Variants in TMEM44 observed in about 807,000 individuals in gnomAD.
TMEM44 encodes the protein transmembrane protein 44.
Under a neutral mutation model 47.8 loss-of-function variants are expected in TMEM44, and 43 were observed. The observed-to-expected ratio is 0.90, with a 90% confidence interval of 0.70 to 1.16. The LOEUF (loss-of-function observed/expected upper bound fraction) is 1.16, where lower values mean the gene tolerates loss of function less well. Ranked by LOEUF, TMEM44 falls within the 50% of genes most tolerant of loss-of-function variation. The pLI, the probability that TMEM44 is intolerant of heterozygous loss-of-function variation, is 0.00. For synonymous variants in TMEM44, 277 were observed against 238.8 expected (o/e 1.16, Z -1.48); for missense variants, 568 against 555.2 (o/e 1.02, Z -0.23).
chr3:194,621,168 A>G (rs928013484), intron 5 of TMEM44, among the ~76,000 whole-genome samples: 2 of 152,086 alleles, frequency 1.3e-5, no homozygotes, highest in Admixed American at 1.3e-4. Context: ...TATAAAAAGG[A>G]GCAAGTCGGA....
chr3:194,609,657 A>C (rs548258688), intron 8 of TMEM44, among the ~76,000 whole-genome samples: 2 of 151,648 alleles, frequency 1.3e-5, no homozygotes, highest in African/African-American at 4.9e-5. Context: ...GAACTCAGGG[A>C]GTCACCCGGA....
At chr3:194,625,822 G>A in intron 3 of TMEM44, 75 bp downstream of exon 3, 1 of 1,339,744 alleles carries the variant, frequency 7.5e-7, no homozygotes, top group Admixed American at 1.7e-5. Context: ...CTCTGGGAGT[G>A]ATAAGGAGTA....
rs1715287061 is a variant in TMEM44, at chr3:194,611,152, C to T, written c.913-132G>A. On this transcript the variant is annotated intron_variant, in intron 7 of 9. Transcript: ENST00000347147. This position sits in a 1 kb window ranked among gnomAD's most constrained non-coding sequence, Gnocchi z 4.2. ...CTCTCTCTTTTTTAACGGCACGTCT[C>T]ACTTTCTGCTTCCTATAAGATGTGT... 3 of 699,742 alleles carry T rather than the reference C, an allele frequency of 4.3e-6. No homozygotes were observed. Among genetic ancestry groups the T allele is most frequent in the Admixed American group, 2.2e-5 (1 of 44,838 alleles). The allele number at this position is 699,742 out of a possible 1,614,324, so 43.3% of individuals were successfully genotyped here.
intron 1 of TMEM44, among the ~76,000 whole-genome samples, chr3:194,631,185 C>T (rs755932522): frequency 5.9e-5 from 9 of 151,358 alleles, no homozygotes; most frequent in African/African-American, 9.7e-5. Flanking sequence ...CTCAGCGTCA[C>T]TGATAGGGCC....
At chr3:194,619,590 A>G (rs1334547700) in intron 5 of TMEM44, among the ~76,000 whole-genome samples, 1 of 152,184 alleles carries the variant, frequency 6.6e-6, no homozygotes, top group Non-Finnish European at 1.5e-5. Context: ...AGCAATGGGA[A>G]CTTTCCCACC....
rs564845602 is a variant in TMEM44, at chr3:194,629,138, T to C, written c.138-629A>G. 6.3e-4 allele frequency among the ~76,000 whole-genome samples: 94 copies of C among 149,678 alleles called. 1 individual carries two copies. The South Asian group carries it at 0.017, about 27-fold the overall frequency. ...AAGATCACACCATTGCACTCCAGCC[T>C]GGGTGACAAAGCGAGACTCCGTCTC... On this transcript the variant is annotated intron_variant, in intron 1 of 9. Coordinates refer to ENST00000347147, the MANE Select transcript of TMEM44 (RefSeq NM_001011655.3).
intron 9 of TMEM44, among the ~76,000 whole-genome samples, chr3:194,597,696 C>T (rs1331873464): frequency 1.5e-4 from 23 of 151,568 alleles, no homozygotes; most frequent in Admixed American, 1.5e-3. Context: ...ATTCAACCTA[C>T]AGGAGCAGTG....
rs1215129293 is a variant in TMEM44 at position 194,633,067 on chromosome 3, T to C, written c.137+12A>G. 50 of 1,295,320 alleles carry C rather than the reference T, an allele frequency of 3.9e-5. No homozygotes were observed. The highest frequency in any genetic ancestry group is 4.9e-5 in the Non-Finnish European group (47 of 968,802). 80.2% of individuals were successfully genotyped at this position (1,295,320 alleles called of 1,614,324 possible). On this transcript the variant is annotated intron_variant, in intron 1 of 9. Coordinates refer to ENST00000347147, the MANE Select transcript of TMEM44 (RefSeq NM_001011655.3). ...CCCCGCCCGACAGCCCCCCGACCCG[T>C]GGCCCCATTACAGCGCGTGGGCGGC... is the stretch of plus-strand genomic sequence containing the variant.
At position 194,633,221 on chromosome 3, in the gene TMEM44, G is replaced by T; in HGVS notation, c.-6C>A. ...GGGCTGGGCGCCTCCCCCATGGCGCGGCTGGGCGCGCGGCGCGGGGCCGGG... is the reference window on the plus strand; with the variant it reads ...GGGCTGGGCGCCTCCCCCATGGCGCTGCTGGGCGCGCGGCGCGGGGCCGGG... On this transcript the variant is annotated 5_prime_UTR_variant, in exon 1 of 10. Coordinates refer to ENST00000347147, the MANE Select transcript of TMEM44 (RefSeq NM_001011655.3). The T allele has an allele frequency of 1.4e-6, 2 of 1,392,636 alleles. No individual in the cohort carries two copies. Among genetic ancestry groups the T allele is most frequent in the East Asian group, 3.1e-5 (1 of 31,868 alleles). The allele number at this position is 1,392,636 out of a possible 1,614,324, so 86.3% of individuals were successfully genotyped here. A position where few individuals can be genotyped will look rare whatever the true frequency, so the allele number is the denominator to read the frequency against.
chr3:194,616,241 C>T (rs1354790441), intron 6 of TMEM44, among the ~76,000 whole-genome samples: 3 of 151,940 alleles, frequency 2.0e-5, no homozygotes, highest in Non-Finnish European at 4.4e-5. Context: ...TAGTAGAGAC[C>T]GGGTTTCACC....
At position 194,604,271 on chromosome 3, in the gene TMEM44, G is replaced by T. The variant is rs1216008880; in HGVS notation, c.1176+16C>A. 1 of 1,573,134 alleles carries T rather than the reference G, an allele frequency of 6.4e-7. No individual in the cohort carries two copies. Among genetic ancestry groups the T allele is most frequent in the South Asian group, 1.2e-5 (1 of 85,486 alleles). ...ATGGCACCCACGCACCCGCCCAGCA[G>T]GCAACAGCCGTGTACCTCCAGGTCG... On this transcript the variant is annotated intron_variant, in intron 9 of 9. Transcript: ENST00000347147.
Position 194,587,865 on chromosome 3 carries a change from C to T in TMEM44, c.*664G>A, listed in dbSNP as rs1712041376. ...AGTTAGTTCCTGAAGCATACAGCCC[C>T]CTCACCTGCAAGCCCCGCCTCAGCG... is the stretch of plus-strand genomic sequence containing the variant. On this transcript the variant is annotated 3_prime_UTR_variant, in exon 10 of 10. Transcript: ENST00000347147. The T allele has an allele frequency of 6.6e-6, 1 of 152,462 alleles. No individual in the cohort carries two copies. The highest frequency in any genetic ancestry group is 1.5e-5 in the Non-Finnish European group (1 of 68,232). 9.4% of individuals were successfully genotyped at this position (152,462 alleles called of 1,614,324 possible).
chr3:194,609,545 G>A (rs982340787), intron 8 of TMEM44, among the ~76,000 whole-genome samples: 1 of 152,104 alleles, frequency 6.6e-6, no homozygotes, highest in Admixed American at 6.5e-5. Context: ...GGTCATCGGT[G>A]ACCTCGACAA....
At chr3:194,613,781 T>C (rs1715587756) in intron 7 of TMEM44, among the ~76,000 whole-genome samples, 1 of 147,932 alleles carries the variant, frequency 6.8e-6, no homozygotes, top group Admixed American at 6.7e-5. Context: ...CGTGAGCCAC[T>C]GCACATGACC....
At chr3:194,590,231 G>T (rs1345099783) in intron 9 of TMEM44, 1 of 152,214 alleles carries the variant, frequency 6.6e-6, no homozygotes, top group East Asian at 1.9e-4. Context: ...CAGAAATAAA[G>T]AGCCCAGTTT....
intron 6 of TMEM44, among the ~76,000 whole-genome samples, chr3:194,616,202 C>A (rs1715870505): frequency 6.6e-6 from 1 of 152,098 alleles, no homozygotes; most frequent in African/African-American, 2.4e-5. Flanking sequence ...CGGGCACCTG[C>A]CATCATGCTC....
rs1488195308 is a variant in TMEM44 at position 194,613,514 on chromosome 3, C to T, written c.912+2055G>A. ...TTAAAAAAAAAGTTTTTTTTCGAGA[C>T]GGAGTTTTGCTCTTGTTGCCTAGGC... On this transcript the variant is annotated intron_variant, in intron 7 of 9. Transcript: ENST00000347147. 5.3e-5 allele frequency among the ~76,000 whole-genome samples: 8 copies of T among 149,594 alleles called. No homozygotes were observed. The East Asian group carries it at 1.0e-3, about 19-fold the overall frequency.
At chr3:194,618,139 A>T (rs1716143269) in intron 5 of TMEM44, among the ~76,000 whole-genome samples, 1 of 152,174 alleles carries the variant, frequency 6.6e-6, no homozygotes, top group African/African-American at 2.4e-5. Context: ...GGATCAGAAG[A>T]GCTGAGGCCC....
In TMEM44 at chr3:194,633,119, AC is replaced by A; in HGVS notation, c.96del (p.Trp33GlyfsTer18). ...ARHRVCISFGLWICASSCWIA... is the reference protein window; with the variant it reads ...ARHRVCISFGXWICASSCWIA... ...ATCCAGCAGGAGGAGGCGCAGATCC[AC>A]AGGCCGAAGGAGATGCAGACGCGGT... On this transcript the variant is annotated frameshift_variant, in exon 1 of 10. Transcript: ENST00000347147. LOFTEE classifies it high-confidence loss of function. 6.4e-7 allele frequency: 1 copy of A among 1,551,246 alleles called. No homozygotes were observed. The highest frequency in any genetic ancestry group is 8.7e-7 in the Non-Finnish European group (1 of 1,147,950).
Sources: gnomAD v4.1 joint callset for allele counts (sites outside exome capture counted in the v4.1 genomes callset) on GRCh38, gnomAD v4.1.1 for gene constraint, Gnocchi (gnomAD v3.1) non-coding constraint, MANE v1.5 for transcripts, NCBI Gene and HGNC (gene_info 2026-07-23, HGNC 2026-07-21) for gene names.